Variants in TMCC1 observed in about 807,000 individuals in gnomAD.
The protein encoded by TMCC1 is transmembrane and coiled-coil domain family 1.
Under a neutral mutation model 52.4 loss-of-function variants are expected in TMCC1, and 15 were observed. The ratio of observed to expected loss-of-function variants is 0.29; its 90% CI spans 0.19 to 0.44. TMCC1 has a LOEUF of 0.44. Among genes scored for constraint, TMCC1 ranks in the 20% least tolerant of loss-of-function variants. The pLI, the probability that TMCC1 is intolerant of heterozygous loss-of-function variation, is 1.00. For synonymous variants in TMCC1, 279 were observed against 301.9 expected (o/e 0.92, Z 0.79); for missense variants, 503 against 806.0 (o/e 0.62, Z 4.55).
intron 4 of TMCC1, among the ~76,000 whole-genome samples, chr3:129,749,051 C>T (rs1560325275): frequency 6.6e-6 from 1 of 151,914 alleles, no homozygotes; most frequent in African/African-American, 2.4e-5. Context: ...ATTGAATTTC[C>T]ACAACAACCC....
intron 4 of TMCC1, among the ~76,000 whole-genome samples, chr3:129,677,789 T>C (rs1447831347): frequency 6.6e-6 from 1 of 152,274 alleles, no homozygotes; most frequent in East Asian, 1.9e-4. Flanking sequence ...TAGGACTAAT[T>C]ACTCTTCTTA....
At chr3:129,682,850 T>C (rs2089111766) in intron 4 of TMCC1, among the ~76,000 whole-genome samples, 1 of 152,218 alleles carries the variant, frequency 6.6e-6, no homozygotes, top group African/African-American at 2.4e-5. Flanking sequence ...TATTTTTATT[T>C]TTGAGACAGA....
At chr3:129,738,289 A>AG (rs1429153400) in intron 4 of TMCC1, among the ~76,000 whole-genome samples, 44 of 151,260 alleles carry the variant, frequency 2.9e-4, no homozygotes, top group African/African-American at 8.2e-4. Flanking sequence ...AAAAAAAAAA[A>AG]AGAGAAGAAG....
chr3:129,710,110 C>A (rs79210163), intron 4 of TMCC1, among the ~76,000 whole-genome samples: 1 of 152,006 alleles, frequency 6.6e-6, no homozygotes, highest in Non-Finnish European at 1.5e-5. Flanking sequence ...CTCTTGAACC[C>A]GGGAGGTGGA....
intron 2 of TMCC1, among the ~76,000 whole-genome samples, chr3:129,838,466 A>G (rs2059266791): frequency 6.6e-6 from 1 of 151,236 alleles, no homozygotes; most frequent in Non-Finnish European, 1.5e-5. Flanking sequence ...AACAATACCA[A>G]AAAAGGGGGC....
At chr3:129,769,847 GCAAAAGTA>G in intron 4 of TMCC1, among the ~76,000 whole-genome samples, 1 of 152,240 alleles carries the variant, frequency 6.6e-6, no homozygotes, top group East Asian at 1.9e-4. Flanking sequence ...GAGCGAAACG[GCAAAAGTA>G]CTTTTTAAAT....
At chr3:129,866,527 G>C (rs1406781622) in intron 2 of TMCC1, among the ~76,000 whole-genome samples, 1 of 150,998 alleles carries the variant, frequency 6.6e-6, no homozygotes, top group African/African-American at 2.4e-5. Context: ...ACAGGCATGC[G>C]CCACCACGCC....
At chr3:129,875,918 G>C (rs1040128839) in intron 2 of TMCC1, among the ~76,000 whole-genome samples, 1 of 152,168 alleles carries the variant, frequency 6.6e-6, no homozygotes, top group Non-Finnish European at 1.5e-5. Flanking sequence ...CGGATCACCT[G>C]AGATTGGGAG....
chr3:129,721,792 C>T (rs1026248395), intron 4 of TMCC1, among the ~76,000 whole-genome samples: 3 of 151,750 alleles, frequency 2.0e-5, no homozygotes, highest in East Asian at 1.9e-4. Context: ...AGGAGAATCG[C>T]GTGAACCCAG....
intron 4 of TMCC1, among the ~76,000 whole-genome samples, chr3:129,812,197 C>T (rs932217921): frequency 2.0e-5 from 3 of 151,794 alleles, no homozygotes; most frequent in Non-Finnish European, 2.9e-5. Context: ...CAAAAATTAG[C>T]TAGATGTGGT....
intron 4 of TMCC1, among the ~76,000 whole-genome samples, chr3:129,725,821 C>G (rs998815512): frequency 5.3e-5 from 8 of 152,086 alleles, no homozygotes; most frequent in Admixed American, 3.3e-4. Flanking sequence ...TAGTTCTGAG[C>G]TTCTTTCTTA....
intron 4 of TMCC1, among the ~76,000 whole-genome samples, chr3:129,778,651 C>A: frequency 7.6e-6 from 1 of 132,186 alleles, no homozygotes; most frequent in Admixed American, 8.3e-5. Context: ...GGAGGGACCT[C>A]ATGGAAGGTG....
At chr3:129,807,957 C>T (rs1001040798) in intron 4 of TMCC1, among the ~76,000 whole-genome samples, 1 of 152,188 alleles carries the variant, frequency 6.6e-6, no homozygotes, top group African/African-American at 2.4e-5. Context: ...AGATGTGCAA[C>T]ACTCTTGGAG....
At chr3:129,688,541 C>A (rs183266821) in intron 4 of TMCC1, 1 of 985,508 alleles carries the variant, frequency 1.0e-6, no homozygotes, top group South Asian at 4.7e-5. Context: ...TTAATACCCT[C>A]GCATAGCCAA....
At chr3:129,720,620 T>C (rs1214632846) in intron 4 of TMCC1, among the ~76,000 whole-genome samples, 1 of 152,144 alleles carries the variant, frequency 6.6e-6, no homozygotes, top group Non-Finnish European at 1.5e-5. Flanking sequence ...AAGACCAGCC[T>C]AAGAACCACC....
At chr3:129,815,497 G>A (rs1159152250) in intron 4 of TMCC1, among the ~76,000 whole-genome samples, 1 of 152,060 alleles carries the variant, frequency 6.6e-6, no homozygotes. Context: ...CATACAATGG[G>A]GTAAGAACAG....
At chr3:129,859,641 CACACACACAT>C (rs1329813829) in intron 2 of TMCC1, among the ~76,000 whole-genome samples, 60 of 91,494 alleles carry the variant, frequency 6.6e-4, no homozygotes, top group Admixed American at 1.6e-3. Flanking sequence ...TGTCTCAAAA[CACACACACAT>C]ACACACACAC....
At chr3:129,795,235 GA>G in intron 4 of TMCC1, among the ~76,000 whole-genome samples, 1 of 152,296 alleles carries the variant, frequency 6.6e-6, no homozygotes, top group Admixed American at 6.5e-5. Flanking sequence ...AGCTCAGAGT[GA>G]ATCAATGCAG....
At chr3:129,840,390 G>T (rs988360243) in intron 2 of TMCC1, among the ~76,000 whole-genome samples, 1 of 144,432 alleles carries the variant, frequency 6.9e-6, no homozygotes, top group Admixed American at 6.9e-5. Context: ...GCTAAGCAAA[G>T]ATTTAAAGAG....
Sources: gnomAD v4.1 joint callset for allele counts (sites outside exome capture counted in the v4.1 genomes callset) on GRCh38, gnomAD v4.1.1 for gene constraint, MANE v1.5 for transcripts, NCBI Gene and HGNC (gene_info 2026-07-23, HGNC 2026-07-21) for gene names.